The following CBR4 variants were observed in gnomAD, a reference collection of about 807,000 sequenced individuals.
CBR4 encodes carbonyl reductase 4, also known as 3-oxoacyl-[acyl-carrier-protein] reductase.
A neutral mutation model predicts 21.0 loss-of-function variants in CBR4; 22 were observed. That is an observed-to-expected ratio of 1.05 (90% CI 0.75 to 1.50). CBR4 has a LOEUF of 1.50. Ranked by LOEUF, CBR4 falls within the 40% of genes most tolerant of loss-of-function variation. CBR4 has a pLI of 0.00. For missense variants in CBR4, 302 were observed against 286.3 expected, an observed-to-expected ratio of 1.05 and a Z score of -0.40; for synonymous variants, 100 against 104.4, an observed-to-expected ratio of 0.96 and a Z score of 0.26.
At chr4:168,984,610 C>A (rs1024327571), downstream of CBR4, among the ~76,000 whole-genome samples, 11 of 152,038 alleles carry the variant, frequency 7.2e-5, no homozygotes, top group African/African-American at 2.7e-4. Context: ...CAACAGCAAT[C>A]CTAAGCAAAA....
At chr4:169,007,015 A>C in intron 2 of CBR4, 124 bp from the exon 3 acceptor site, 1 of 691,960 alleles carries the variant, frequency 1.4e-6, no homozygotes. Context: ...GAATAGCTAG[A>C]ATACCTAGAG....
At chr4:168,974,496 A>G (rs1764310256) in intron 2 of CBR4, among the ~76,000 whole-genome samples, 1 of 152,210 alleles carries the variant, frequency 6.6e-6, no homozygotes, top group South Asian at 2.1e-4. Context: ...GTTCCCTCAA[A>G]TAAGTTTTCC....
At position 169,007,643 on chromosome 4, in the gene CBR4, T is replaced by C. The variant is rs757918075; in HGVS notation, c.256A>G (p.Ile86Val). ...TTTAAATCTGTGACCAACCTGTTAATACCAGCTGCATTTACCAAGAAATTT... is the reference window on the plus strand; with the variant it reads ...TTTAAATCTGTGACCAACCTGTTAACACCAGCTGCATTTACCAAGAAATTT... The part of the protein sequence containing the change: ...RVNFLVNAAG[I>V]NRDGLLVRTK... Residue 86 changes from isoleucine to valine, a missense_variant, in exon 2 of 5, where the codon ATT becomes GTT. Coordinates refer to ENST00000306193, the MANE Select transcript of CBR4 (RefSeq NM_032783.5). 2.5e-6 allele frequency: 4 copies of C among 1,572,796 alleles called. No individual in the cohort carries two copies. The highest frequency in any genetic ancestry group is 4.7e-5 in the East Asian group (2 of 42,242).
intron 4 of CBR4, 117 bp from the exon 5 acceptor site, chr4:168,990,445 A>T (rs11727290): frequency 0.7 from 591,208 of 846,208 alleles, 208,613 homozygotes; most frequent in East Asian, 0.92. Flanking sequence ...TTAAAAAAAA[A>T]TTTTTTTTTG....
chr4:168,995,515 C>T (rs1272989706), intron 4 of CBR4, among the ~76,000 whole-genome samples: 1 of 152,096 alleles, frequency 6.6e-6, no homozygotes, highest in Admixed American at 6.5e-5. Context: ...ATGACCTCTA[C>T]CACACAGACA....
intron 4 of CBR4, among the ~76,000 whole-genome samples, chr4:168,993,490 C>A (rs978831195): frequency 6.6e-6 from 1 of 152,124 alleles, no homozygotes; most frequent in African/African-American, 2.4e-5. Flanking sequence ...GGATTACAGG[C>A]GTGAGCCACT....
At chr4:168,947,685 C>A (rs926537369) in intron 2 of CBR4, among the ~76,000 whole-genome samples, 3 of 152,066 alleles carry the variant, frequency 2.0e-5, no homozygotes, top group Non-Finnish European at 2.9e-5. Context: ...CAGTCTCATC[C>A]AGGTTGCTGT....
chr4:169,009,643 T>C (rs559609984), intron 1 of CBR4, among the ~76,000 whole-genome samples: 27 of 152,378 alleles, frequency 1.8e-4, no homozygotes, highest in African/African-American at 5.3e-4. Flanking sequence ...TCCTCAGCGT[T>C]AGCACTAGCC....
At chr4:168,933,171 T>C (rs1763014501) in intron 2 of CBR4, among the ~76,000 whole-genome samples, 1 of 152,022 alleles carries the variant, frequency 6.6e-6, no homozygotes, top group Non-Finnish European at 1.5e-5. Context: ...TACCAATAAA[T>C]AACCTTGAAT....
At chr4:168,981,917 T>C (rs918101820) in intron 2 of CBR4, among the ~76,000 whole-genome samples, 1 of 152,176 alleles carries the variant, frequency 6.6e-6, no homozygotes, top group Non-Finnish European at 1.5e-5. Context: ...AAGACAGTAC[T>C]AAATATGAAA....
Position 168,989,075 on chromosome 4 carries a change from C to T in CBR4, c.*1075G>A, listed in dbSNP as rs1325295261. On this transcript the variant is annotated 3_prime_UTR_variant, in exon 5 of 5. Transcript: ENST00000306193. ...AAATATTCTCACTTAAGACCAGTGC[C>T]TTCACTGCTTCTTGTAAAGACATTT... The T allele has an allele frequency of 3.0e-6, 3 of 984,546 alleles. No homozygotes were observed. In the Admixed American group the frequency reaches 1.8e-4, roughly 61 times the overall value. The allele number at this position is 984,546 out of a possible 1,614,324, so 61.0% of individuals were successfully genotyped here.
chr4:169,006,671 C>T, intron 3 of CBR4, 84 bp downstream of exon 3: 1 of 1,228,620 alleles, frequency 8.1e-7, no homozygotes, highest in Non-Finnish European at 1.2e-6. Context: ...TCATGTTTCA[C>T]AATAAATCAC....
chr4:168,933,963 A>G (rs1293671365), intron 2 of CBR4, among the ~76,000 whole-genome samples: 1 of 152,216 alleles, frequency 6.6e-6, no homozygotes, highest in Non-Finnish European at 1.5e-5. Flanking sequence ...TCCTTGAAAC[A>G]AATGAAAACA....
At chr4:168,913,571 C>CT (rs2151403091) in intron 2 of CBR4, among the ~76,000 whole-genome samples, 1 of 152,210 alleles carries the variant, frequency 6.6e-6, no homozygotes, top group African/African-American at 2.4e-5. Flanking sequence ...TCACAAGAGA[C>CT]TGATGTCCTC....
At chr4:168,900,190 G>A (rs1756193600) in intron 2 of CBR4, among the ~76,000 whole-genome samples, 1 of 152,146 alleles carries the variant, frequency 6.6e-6, no homozygotes, top group South Asian at 2.1e-4. Context: ...CCATTCATGA[G>A]GGATCCACCC....
chr4:168,993,755 CA>C (rs2126819491), intron 4 of CBR4, among the ~76,000 whole-genome samples: 1 of 152,176 alleles, frequency 6.6e-6, no homozygotes, highest in South Asian at 2.1e-4. Flanking sequence ...ACCCAAAAAA[CA>C]AAAACAGAAA....
rs994482059 is a variant in CBR4 at position 168,959,136 on chromosome 4, C to G, written n.169+42935G>C. On this transcript the variant is annotated intron_variant and non_coding_transcript_variant, in intron 2 of 3. Transcript: ENST00000509108. Reference sequence around the variant, plus strand: ...CTGCCTACCCCAAAGTCACTTTTGTCCTACATTTTCTTCCAGAAGTTCTAT... The same window carrying G: ...CTGCCTACCCCAAAGTCACTTTTGTGCTACATTTTCTTCCAGAAGTTCTAT... 7.2e-5 allele frequency among the ~76,000 whole-genome samples: 11 copies of G among 152,176 alleles called. No individual in the cohort carries two copies. The East Asian group carries it at 1.7e-3, about 24-fold the overall frequency.
At chr4:168,984,132 A>C (rs1043057904), downstream of CBR4, among the ~76,000 whole-genome samples, 14 of 152,132 alleles carry the variant, frequency 9.2e-5, no homozygotes, top group African/African-American at 3.4e-4. Context: ...CTCTTTACAG[A>C]TGATGTAATG....
chr4:168,970,157 G>A (rs1424084027), intron 2 of CBR4, among the ~76,000 whole-genome samples: 2 of 152,002 alleles, frequency 1.3e-5, no homozygotes, highest in African/African-American at 2.4e-5. Context: ...TATCTATATT[G>A]CATAAACTTT....
Sources: gnomAD v4.1 joint callset for allele counts (sites outside exome capture counted in the v4.1 genomes callset) on GRCh38, gnomAD v4.1.1 for gene constraint, MANE v1.5 for transcripts, NCBI Gene and HGNC (gene_info 2026-07-23, HGNC 2026-07-21) for gene names.